TOX: variants seen among roughly 807,000 people sequenced by gnomAD.
TOX encodes the protein thymocyte selection-associated high mobility group box protein TOX.
Under a neutral mutation model 53.7 loss-of-function variants are expected in TOX, and 11 were observed. The observed-to-expected ratio is 0.20, with a 90% CI of 0.13 to 0.34. The LOEUF is 0.34. TOX is among the 10% of genes least tolerant of loss of function. The pLI is 1.00. For synonymous variants in TOX, 225 were observed against 245.3 expected, an observed-to-expected ratio of 0.92 and a Z score of 0.77; for missense variants, 570 against 664.6, an observed-to-expected ratio of 0.86 and a Z score of 1.56.
intron 6 of TOX, among the ~76,000 whole-genome samples, chr8:58,819,357 G>A (rs1375195922): frequency 6.6e-6 from 1 of 152,198 alleles, no homozygotes; most frequent in Non-Finnish European, 1.5e-5. Context: ...TGACAAATGT[G>A]TTTCCTAGCT....
At chr8:58,812,886 AC>A (rs1810106629) in intron 7 of TOX, among the ~76,000 whole-genome samples, 1 of 152,244 alleles carries the variant, frequency 6.6e-6, no homozygotes, top group African/African-American at 2.4e-5. Flanking sequence ...ACAGTGAAAC[AC>A]TTTTACTGCT....
intron 3 of TOX, among the ~76,000 whole-genome samples, chr8:58,876,942 GTATAT>G (rs1316569336): frequency 6.6e-6 from 1 of 152,154 alleles, no homozygotes; most frequent in East Asian, 1.9e-4. Context: ...AGTCCCTTCA[GTATAT>G]TATATTTTGA....
At chr8:59,056,241 C>A (rs574858516) in intron 1 of TOX, among the ~76,000 whole-genome samples, 1 of 151,754 alleles carries the variant, frequency 6.6e-6, no homozygotes, top group South Asian at 2.1e-4. Flanking sequence ...GCCTGGGCAA[C>A]ATAGCAAAAC....
chr8:58,980,041 A>G (rs545966152), intron 1 of TOX, among the ~76,000 whole-genome samples: 1 of 152,248 alleles, frequency 6.6e-6, no homozygotes, highest in Non-Finnish European at 1.5e-5. Flanking sequence ...AGATGGTTGC[A>G]TAGCTCTGTA....
At chr8:58,985,916 C>T (rs182891269) in intron 1 of TOX, among the ~76,000 whole-genome samples, 1 of 152,232 alleles carries the variant, frequency 6.6e-6, no homozygotes, top group Non-Finnish European at 1.5e-5. Context: ...TCCATTTCTT[C>T]AACTTGCAAG....
intron 1 of TOX, among the ~76,000 whole-genome samples, chr8:59,023,004 T>G (rs1814164144): frequency 6.6e-6 from 1 of 152,222 alleles, no homozygotes; most frequent in Non-Finnish European, 1.5e-5. Flanking sequence ...GTTACTATTA[T>G]GAGCTCTAAC....
At chr8:59,063,898 A>ATGTGTG (rs35691859) in intron 1 of TOX, among the ~76,000 whole-genome samples, 11 of 151,302 alleles carry the variant, frequency 7.3e-5, no homozygotes, top group African/African-American at 2.2e-4. Flanking sequence ...TAAATCATGT[A>ATGTGTG]TGTGTGTGTG....
intron 3 of TOX, among the ~76,000 whole-genome samples, chr8:58,923,986 A>G (rs1255982204): frequency 1.3e-5 from 2 of 152,336 alleles, no homozygotes; most frequent in South Asian, 2.1e-4. Context: ...TTTGGGAATC[A>G]ACTTTCATAT....
intron 2 of TOX, among the ~76,000 whole-genome samples, chr8:58,951,046 G>T (rs74329369): frequency 6.6e-6 from 1 of 152,138 alleles, no homozygotes; most frequent in Non-Finnish European, 1.5e-5. Context: ...TCTCACACAC[G>T]TAACACATTG....
chr8:58,914,905 A>G (rs1003956250), intron 3 of TOX, among the ~76,000 whole-genome samples: 4 of 152,116 alleles, frequency 2.6e-5, no homozygotes, highest in African/African-American at 9.7e-5. Context: ...GCAAGGGGTC[A>G]GGGAGTTCCC....
At chr8:58,834,266 C>T (rs962951928) in intron 5 of TOX, among the ~76,000 whole-genome samples, 1 of 152,110 alleles carries the variant, frequency 6.6e-6, no homozygotes, top group Non-Finnish European at 1.5e-5. Flanking sequence ...GCTATGATGA[C>T]AACAGGATTT....
intron 1 of TOX, among the ~76,000 whole-genome samples, chr8:59,052,186 G>C (rs371959588): frequency 6.6e-5 from 10 of 152,190 alleles, no homozygotes; most frequent in African/African-American, 2.4e-4. Context: ...TATGTAATGG[G>C]AACACATTAA....
intron 1 of TOX, among the ~76,000 whole-genome samples, chr8:58,996,552 T>G (rs61514480): frequency 0.083 from 12,628 of 152,296 alleles, 586 homozygotes; most frequent in Middle Eastern, 0.17. Flanking sequence ...GCCCCTTTCC[T>G]ATAACTTTAT....
chr8:59,072,190 T>A (rs987153474), intron 1 of TOX, among the ~76,000 whole-genome samples: 1 of 152,322 alleles, frequency 6.6e-6, no homozygotes, highest in East Asian at 1.9e-4. Context: ...AAAAACAACA[T>A]AGATCAACAT....
At chr8:58,958,991 A>G in intron 2 of TOX, among the ~76,000 whole-genome samples, 1 of 151,906 alleles carries the variant, frequency 6.6e-6, no homozygotes, top group Middle Eastern at 3.4e-3. Flanking sequence ...TTCCCCAACC[A>G]CTCCCAGTTA....
intron 3 of TOX, among the ~76,000 whole-genome samples, chr8:58,932,699 T>C (rs920746610): frequency 6.6e-6 from 1 of 152,320 alleles, no homozygotes; most frequent in Admixed American, 6.5e-5. Context: ...TGGCAACATA[T>C]TGGAAATTCA....
Position 58,969,898 on chromosome 8 carries a change from C to T in TOX, c.103-9890G>A, listed in dbSNP as rs754834137. Among the ~76,000 whole-genome samples the T allele has an allele frequency of 9.1e-4, 139 of 152,176 alleles. 2 individuals are homozygous for T. Among genetic ancestry groups the T allele is most frequent in the Admixed American group, 2.0e-4 (3 of 15,278 alleles). ...TCTGCATTGTGAGAGATGATTGGTG[C>T]CCCTTGTCTTACTTTCTGGAATGTC... is the stretch of plus-strand genomic sequence containing the variant. On this transcript the variant is annotated intron_variant, in intron 1 of 8. Transcript: ENST00000361421.
chr8:59,002,716 A>G (rs1813716495), intron 1 of TOX, among the ~76,000 whole-genome samples: 1 of 152,306 alleles, frequency 6.6e-6, no homozygotes, highest in South Asian at 2.1e-4. Context: ...AGTTATAATG[A>G]TTTTTCTTAT....
intron 1 of TOX, among the ~76,000 whole-genome samples, chr8:59,072,318 C>G (rs1256047078): frequency 6.6e-6 from 1 of 152,170 alleles, no homozygotes. Context: ...AATCTTTCCG[C>G]AATAAAGTCC....
Sources: gnomAD v4.1 joint callset for allele counts (sites outside exome capture counted in the v4.1 genomes callset) on GRCh38, gnomAD v4.1.1 for gene constraint, MANE v1.5 for transcripts, NCBI Gene and HGNC (gene_info 2026-07-23, HGNC 2026-07-21) for gene names.